The following PCDH15 variants were observed in gnomAD, a reference collection of about 807,000 sequenced individuals.
The protein encoded by PCDH15 is protocadherin-15.
Under a neutral mutation model 178.5 loss-of-function variants are expected in PCDH15, and 129 were observed. The ratio of observed to expected loss-of-function variants is 0.72; its 90% confidence interval spans 0.63 to 0.84. The LOEUF (loss-of-function observed/expected upper bound fraction) is 0.84. Among genes scored for constraint, PCDH15 ranks in the 40% least tolerant of loss-of-function variants. PCDH15 has a pLI of 0.00. For missense variants in PCDH15, 2,230 were observed against 2,099.9 expected (o/e 1.06, Z -1.21); for synonymous variants, 800 against 732.0 (o/e 1.09, Z -1.50).
intron 2 of PCDH15, among the ~76,000 whole-genome samples, chr10:54,647,586 T>C (rs1047101726): frequency 6.6e-6 from 1 of 152,136 alleles, no homozygotes; most frequent in Non-Finnish European, 1.5e-5. Flanking sequence ...GCCATCTTTA[T>C]GGCTGTTAGA....
chr10:54,396,033 A>G (rs1304112019), intron 3 of PCDH15, among the ~76,000 whole-genome samples: 5 of 152,124 alleles, frequency 3.3e-5, no homozygotes, highest in East Asian at 3.9e-4. Flanking sequence ...CAGATGAAGA[A>G]AAGCTCTCTG....
intron 1 of PCDH15, among the ~76,000 whole-genome samples, chr10:54,717,666 C>G (rs1035785394): frequency 1.5e-5 from 2 of 133,986 alleles, no homozygotes; most frequent in Non-Finnish European, 3.2e-5. Flanking sequence ...GTTGGTGGGA[C>G]TGTAAACTAG....
intron 2 of PCDH15, among the ~76,000 whole-genome samples, chr10:55,059,121 G>A (rs1015154664): frequency 2.6e-5 from 4 of 152,072 alleles, no homozygotes; most frequent in South Asian, 2.1e-4. Flanking sequence ...AGTCAATACC[G>A]GATTTACCCA....
intron 3 of PCDH15, among the ~76,000 whole-genome samples, chr10:54,460,894 A>T (rs1198959575): frequency 2.0e-5 from 3 of 152,138 alleles, no homozygotes; most frequent in Non-Finnish European, 4.4e-5. Context: ...TCATTGAAAA[A>T]TGTATTTTTA....
intron 8 of PCDH15, among the ~76,000 whole-genome samples, chr10:54,260,670 TC>T (rs992521505): frequency 6.6e-6 from 1 of 151,994 alleles, no homozygotes; most frequent in African/African-American, 2.4e-5. Flanking sequence ...AACCTCCACC[TC>T]CCCGGTTCAA....
At chr10:53,836,798 A>C (rs1016804540) in intron 29 of PCDH15, among the ~76,000 whole-genome samples, 1 of 152,230 alleles carries the variant, frequency 6.6e-6, no homozygotes, top group African/African-American at 2.4e-5. Flanking sequence ...TAACAGAGCC[A>C]GATAGAGATA....
At chr10:54,425,608 AT>A (rs1378326332) in intron 3 of PCDH15, among the ~76,000 whole-genome samples, 11 of 152,110 alleles carry the variant, frequency 7.2e-5, no homozygotes, top group African/African-American at 2.4e-4. Flanking sequence ...TTCAGCATGT[AT>A]TTTTTTATAG....
In PCDH15 at chr10:55,045,508, C is replaced by T. The variant is rs148342085; in HGVS notation, c.-80+121068G>A. On this transcript the variant is annotated intron_variant, in intron 2 of 5. Transcript: ENST00000458638. ...GTTTCACAAGATCTTTGTGGGTACA[C>T]AATCATGACATACCTTTTTATTTAC... Among the ~76,000 whole-genome samples the T allele has an allele frequency of 6.8e-3, 1,040 of 152,182 alleles. 4 individuals carry two copies. The highest frequency in any genetic ancestry group is 0.024 in the Middle Eastern group (7 of 294).
intron 3 of PCDH15, among the ~76,000 whole-genome samples, chr10:54,812,766 T>C (rs1260207286): frequency 6.6e-6 from 1 of 152,046 alleles, no homozygotes. Context: ...CTTTTTAAAA[T>C]ATTATTATTT....
Position 53,822,304 on chromosome 10 carries a change from G to T in PCDH15, c.4368-2074C>A, listed in dbSNP as rs727505235. The T allele has an allele frequency of 1.1e-5, 17 of 1,611,252 alleles. No individual in the cohort carries two copies. Among genetic ancestry groups the T allele is most frequent in the Admixed American group, 1.7e-5 (1 of 59,438 alleles). ...GTTGGAAATGGAGGTAGAAGAGGTG[G>T]TGTTGGGGGACCAGACGTTGAAACG... is the stretch of plus-strand genomic sequence containing the variant. On this transcript the variant is annotated intron_variant, in intron 32 of 37. Coordinates refer to ENST00000644397, the MANE Select transcript of PCDH15 (RefSeq NM_001384140.1).
chr10:53,858,204 G>C (rs1445719510), intron 27 of PCDH15, among the ~76,000 whole-genome samples: 1 of 151,996 alleles, frequency 6.6e-6, no homozygotes, highest in Non-Finnish European at 1.5e-5. Context: ...ATCATAAATT[G>C]AACACTCTGA....
At chr10:55,286,442 T>C (rs1842871698) in intron 1 of PCDH15, among the ~76,000 whole-genome samples, 1 of 151,930 alleles carries the variant, frequency 6.6e-6, no homozygotes, top group South Asian at 2.1e-4. Context: ...ATACAGAGTT[T>C]AACTTTATAA....
intron 15 of PCDH15, among the ~76,000 whole-genome samples, chr10:54,121,279 G>C (rs1031774243): frequency 6.6e-6 from 1 of 152,040 alleles, no homozygotes; most frequent in Admixed American, 6.6e-5. Context: ...AAATCTCTGG[G>C]ATGTTGCAAA....
At chr10:54,465,328 T>C (rs1266496729) in intron 3 of PCDH15, among the ~76,000 whole-genome samples, 1 of 152,062 alleles carries the variant, frequency 6.6e-6, no homozygotes, top group East Asian at 1.9e-4. Flanking sequence ...AAGTTTACTC[T>C]CAATCACTGG....
At chr10:54,334,961 G>T (rs2133974213) in intron 6 of PCDH15, among the ~76,000 whole-genome samples, 1 of 152,194 alleles carries the variant, frequency 6.6e-6, no homozygotes, top group Non-Finnish European at 1.5e-5. Flanking sequence ...GTGAGTCTGT[G>T]TTTTAGTTCC....
At chr10:54,592,016 C>G (rs1378233404) in intron 2 of PCDH15, among the ~76,000 whole-genome samples, 3 of 152,072 alleles carry the variant, frequency 2.0e-5, no homozygotes, top group Non-Finnish European at 4.4e-5. Flanking sequence ...TCCAAAAAAG[C>G]TATGACCTAC....
intron 8 of PCDH15, among the ~76,000 whole-genome samples, chr10:54,290,801 G>T (rs1216550332): frequency 6.6e-6 from 1 of 152,190 alleles, no homozygotes; most frequent in Admixed American, 6.6e-5. Context: ...GACAAAGAAG[G>T]CCATTACATA....
chr10:54,196,654 C>T (rs2049699144), intron 10 of PCDH15, among the ~76,000 whole-genome samples: 1 of 152,126 alleles, frequency 6.6e-6, no homozygotes, highest in African/African-American at 2.4e-5. Flanking sequence ...GCTATGGTCT[C>T]TGCTGTTGTA....
chr10:55,532,826 T>C (rs148748025), intron 2 of PCDH15, among the ~76,000 whole-genome samples: 1 of 152,156 alleles, frequency 6.6e-6, no homozygotes, highest in African/African-American at 2.4e-5. Context: ...ACAGAATCCA[T>C]GACAGAAATA....
Sources: gnomAD v4.1 joint callset for allele counts (sites outside exome capture counted in the v4.1 genomes callset) on GRCh38, gnomAD v4.1.1 for gene constraint, MANE v1.5 for transcripts, NCBI Gene and HGNC (gene_info 2026-07-23, HGNC 2026-07-21) for gene names.